The following CELA2A variants were observed in gnomAD, a reference collection of about 807,000 sequenced individuals.
The protein encoded by CELA2A is chymotrypsin like elastase 2A.
A neutral mutation model predicts 35.3 loss-of-function variants in CELA2A; 31 were observed. The observed-to-expected ratio is 0.88, with a 90% CI of 0.66 to 1.19. The LOEUF (loss-of-function observed/expected upper bound fraction) is 1.19, where lower values mean the gene tolerates loss of function less well. Among genes scored for constraint, CELA2A ranks in the 50% most tolerant of loss-of-function variants. CELA2A has a pLI of 0.00. For synonymous variants in CELA2A, 150 were observed against 149.8 expected (o/e 1.00, Z -0.01); for missense variants, 330 against 352.9 (o/e 0.94, Z 0.52).
chr1:15,456,855 T>G, intron 1 of CELA2A, 62 bp downstream of exon 1: 1 of 1,608,712 alleles, frequency 6.2e-7, no homozygotes, highest in African/African-American at 1.3e-5. Context: ...AAATGGGATC[T>G]TCCTGTCCTC....
intron 5 of CELA2A, among the ~76,000 whole-genome samples, chr1:15,463,819 C>T (rs556270702): frequency 6.6e-6 from 1 of 152,058 alleles, no homozygotes; most frequent in South Asian, 2.1e-4. Flanking sequence ...GGAGGCCCAT[C>T]CCGCGGATCA....
Position 15,457,329 on chromosome 1 carries a change from C to T in CELA2A, c.129+155C>T, listed in dbSNP as rs1708375949. The T allele has an allele frequency of 7.0e-6, 5 of 719,176 alleles. No homozygotes were observed. The South Asian group carries it at 7.1e-5, about 10-fold the overall frequency. 44.5% of individuals were successfully genotyped at this position (719,176 alleles called of 1,614,324 possible). A position where few individuals can be genotyped will look rare whatever the true frequency, so the allele number is the denominator to read the frequency against. On this transcript the variant is annotated intron_variant, in intron 2 of 7. Coordinates refer to ENST00000359621, the MANE Select transcript of CELA2A (RefSeq NM_033440.3). The stretch of plus-strand genomic sequence containing the variant: ...CAACTTTAGCAATAAGATATATTTC[C>T]GGCTGGGCGCAGTGGCTCATGCCTG...
intron 6 of CELA2A, among the ~76,000 whole-genome samples, 156 bp from the exon 7 acceptor site, chr1:15,467,227 CTTG>C (rs1708530333): frequency 6.6e-6 from 1 of 152,178 alleles, no homozygotes; most frequent in Non-Finnish European, 1.5e-5. Context: ...AGTGTTGGCT[CTTG>C]TTGGAATTAT....
chr1:15,468,749 G>A (rs1413589231), intron 7 of CELA2A, among the ~76,000 whole-genome samples: 2 of 152,188 alleles, frequency 1.3e-5, no homozygotes, highest in Non-Finnish European at 2.9e-5. Flanking sequence ...GGCCAACGCT[G>A]CAGTGAGCAC....
intron 7 of CELA2A, among the ~76,000 whole-genome samples, chr1:15,469,816 G>C (rs1708567090): frequency 1.3e-5 from 2 of 152,186 alleles, no homozygotes; most frequent in Admixed American, 1.3e-4. Flanking sequence ...CTGGACGAGA[G>C]GCTGCTTAGG....
At chr1:15,465,510 A>AGATAAGTG (rs1372840059) in intron 5 of CELA2A, among the ~76,000 whole-genome samples, 2 of 152,126 alleles carry the variant, frequency 1.3e-5, no homozygotes, top group African/African-American at 4.8e-5. Context: ...TTCTTATTTC[A>AGATAAGTG]GATAAGTGAC....
At chr1:15,463,107 C>T in intron 4 of CELA2A, 1 of 719,376 alleles carries the variant, frequency 1.4e-6, no homozygotes, top group African/African-American at 1.8e-5. Context: ...CTGCAGGGCC[C>T]CTGTCCGCTG....
At chr1:15,460,545 G>A (rs1270355154) in intron 2 of CELA2A, among the ~76,000 whole-genome samples, 4 of 151,998 alleles carry the variant, frequency 2.6e-5, no homozygotes, top group African/African-American at 7.2e-5. Context: ...CTGCTTGGCC[G>A]TGGCAGGGAA....
At chr1:15,469,114 G>C (rs113452878) in intron 7 of CELA2A, among the ~76,000 whole-genome samples, 3,568 of 152,244 alleles carry the variant, frequency 0.023, 46 homozygotes, top group Middle Eastern at 0.037. Context: ...GGAGGTGGAG[G>C]TTGCAGTAAC....
At chr1:15,460,471 G>A (rs1370936093) in intron 2 of CELA2A, among the ~76,000 whole-genome samples, 2 of 151,998 alleles carry the variant, frequency 1.3e-5, no homozygotes, top group African/African-American at 2.4e-5. Flanking sequence ...ACAGGTCATC[G>A]TTCCCCACAG....
chr1:15,457,879 A>G (rs1708382690), intron 2 of CELA2A, among the ~76,000 whole-genome samples: 1 of 152,210 alleles, frequency 6.6e-6, no homozygotes. Flanking sequence ...AGGCAAATCA[A>G]TGTTACCAAT....
chr1:15,463,254 TG>T, intron 4 of CELA2A, 131 bp from the exon 5 acceptor site: 1 of 1,409,140 alleles, frequency 7.1e-7, no homozygotes, highest in Non-Finnish European at 9.7e-7. Context: ...AAACATGCCC[TG>T]GGGCCCTGCC....
rs540161544 is a variant in CELA2A, at chr1:15,470,789, C to T, written c.793-1201C>T. On this transcript the variant is annotated intron_variant, in intron 7 of 7. Transcript: ENST00000359621. ...AGAGATGGGGTTTCACCATGTTGGC[C>T]AGGCTGGTCTCAAACTCCTGACCTC... 3.7e-4 allele frequency among the ~76,000 whole-genome samples: 57 copies of T among 152,252 alleles called. 1 individual carries two copies. Among genetic ancestry groups the T allele is most frequent in the African/African-American group, 1.3e-3 (56 of 41,572 alleles).
intron 3 of CELA2A, chr1:15,461,874 G>A: frequency 4.2e-6 from 3 of 706,776 alleles, no homozygotes; most frequent in Non-Finnish European, 7.7e-6. Context: ...GGCAGGCACT[G>A]AGGGAGGATG....
Position 15,463,466 on chromosome 1 carries a change from G to A in CELA2A, c.437G>A (p.Gly146Asp). Residue 146 changes from glycine (G) to aspartate (D), a missense_variant, in exon 5 of 8, where the codon GGC (glycine) becomes GAC (aspartate). By Grantham distance (94) the Gly-to-Asp change is moderately conservative. Coordinates refer to ENST00000359621, the MANE Select transcript of CELA2A (RefSeq NM_033440.3). ...KIQLACLPPA[G>D]TILPNNYPCY... The stretch of plus-strand genomic sequence containing the variant: ...CAGCTGGCCTGCCTCCCTCCTGCCG[G>A]CACCATTCTACCCAACAACTACCCC... 2 of 1,614,012 alleles carry A rather than the reference G, an allele frequency of 1.2e-6. No individual in the cohort carries two copies. Among genetic ancestry groups the A allele is most frequent in the Non-Finnish European group, 1.7e-6 (2 of 1,179,948 alleles).
At chr1:15,466,984 G>A (rs1310506543) in intron 6 of CELA2A, among the ~76,000 whole-genome samples, 1 of 152,134 alleles carries the variant, frequency 6.6e-6, no homozygotes, top group African/African-American at 2.4e-5. Context: ...GACCACCCGC[G>A]GGAAGACGGA....
At chr1:15,466,171 T>C (rs1225780075) in intron 6 of CELA2A, 27 bp downstream of exon 6, 4 of 1,610,364 alleles carry the variant, frequency 2.5e-6, no homozygotes, top group Non-Finnish European at 3.4e-6. Context: ...GGGGCTCCGC[T>C]CCATGACAAA....
At chr1:15,467,584 C>T (rs1708538561) in intron 7 of CELA2A, 46 bp downstream of exon 7, 3 of 1,601,216 alleles carry the variant, frequency 1.9e-6, no homozygotes, top group Non-Finnish European at 2.6e-6. Context: ...ACCCTGCTCA[C>T]CTGGCCTCGG....
intron 5 of CELA2A, among the ~76,000 whole-genome samples, chr1:15,463,962 GA>G (rs199695703): frequency 0.012 from 1,755 of 152,136 alleles, 39 homozygotes; most frequent in African/African-American, 0.04. Context: ...TGAGGCACGA[GA>G]ATCACTTGAA....
Sources: gnomAD v4.1 joint callset for allele counts (sites outside exome capture counted in the v4.1 genomes callset) on GRCh38, gnomAD v4.1.1 for gene constraint, MANE v1.5 for transcripts, NCBI Gene and HGNC (gene_info 2026-07-23, HGNC 2026-07-21) for gene names.